Variants in DNAH3 observed in about 807,000 individuals in gnomAD.
DNAH3 encodes dynein axonemal heavy chain 3, also known as axonemal beta dynein heavy chain 3.
A neutral mutation model predicts 432.5 loss-of-function variants in DNAH3; 332 were observed. The ratio of observed to expected loss-of-function variants is 0.77; its 90% CI spans 0.70 to 0.84. The LOEUF (loss-of-function observed/expected upper bound fraction) is 0.84. Ranked by LOEUF, DNAH3 falls within the 40% of genes least tolerant of loss-of-function variation. The pLI, the probability that DNAH3 is intolerant of heterozygous loss-of-function variation, is 0.00. For synonymous variants in DNAH3, 1,956 were observed against 1,900.2 expected (o/e 1.03, Z -0.76); for missense variants, 4,861 against 5,114.0 (o/e 0.95, Z 1.51).
intron 44 of DNAH3, among the ~76,000 whole-genome samples, chr16:20,990,168 C>G (rs2086484630): frequency 6.6e-6 from 1 of 152,240 alleles, no homozygotes; most frequent in Non-Finnish European, 1.5e-5. Flanking sequence ...CAGAGCGAGC[C>G]AGGGCTGTGA....
At chr16:20,970,104 T>C in intron 51 of DNAH3, 114 bp from the exon 52 acceptor site, 1 of 997,794 alleles carries the variant, frequency 1.0e-6, no homozygotes, top group Non-Finnish European at 1.5e-6. Flanking sequence ...CTCTTCCAGA[T>C]ACCCTTTAAC....
chr16:20,943,262 T>A (rs1220591833), intron 58 of DNAH3, among the ~76,000 whole-genome samples: 1 of 151,748 alleles, frequency 6.6e-6, no homozygotes, highest in Non-Finnish European at 1.5e-5. Context: ...TTTTTTTGTA[T>A]AGACGGCGTT....
At position 21,042,173 on chromosome 16, in the gene DNAH3, T is replaced by A. The variant is rs2152733853; in HGVS notation, c.4492A>T (p.Ile1498Phe). The change falls in exon 32 of 62, where the codon ATC (isoleucine) becomes TTC (phenylalanine). Residue 1498 changes from isoleucine to phenylalanine, a missense_variant. Coordinates refer to ENST00000261383, the Ensembl canonical transcript of DNAH3. ...ATGATGGCTTGTTGGATGCTGAGGA[T>A]CTGCTGAGCGACCACAGACAGCACT... is the stretch of plus-strand genomic sequence containing the variant. 1.2e-6 allele frequency: 2 copies of A among 1,611,054 alleles called. No individual in the cohort carries two copies. The highest frequency in any genetic ancestry group is 4.5e-5 in the East Asian group (2 of 44,798).
chr16:20,965,392 T>G, exon 53 of DNAH3: 1 of 1,533,182 alleles, frequency 6.5e-7, no homozygotes, highest in Non-Finnish European at 8.8e-7. Flanking sequence ...AAGAATCTTT[T>G]TGGATACCCC....
intron 41 of DNAH3, among the ~76,000 whole-genome samples, chr16:21,007,681 T>C (rs2087381755): frequency 6.6e-6 from 1 of 152,228 alleles, no homozygotes; most frequent in Non-Finnish European, 1.5e-5. Flanking sequence ...ATGTTGTCCT[T>C]TGAAGCACGA....
At chr16:21,079,315 G>C (rs997979375) in intron 20 of DNAH3, among the ~76,000 whole-genome samples, 5 of 152,116 alleles carry the variant, frequency 3.3e-5, no homozygotes, top group Non-Finnish European at 7.4e-5. Context: ...TAGGACACTA[G>C]GTTTTTGTGA....
At chr16:21,101,243 C>T (rs1286611153) in intron 16 of DNAH3, among the ~76,000 whole-genome samples, 7 of 152,044 alleles carry the variant, frequency 4.6e-5, no homozygotes, top group African/African-American at 1.7e-4. Flanking sequence ...TATTGTATAC[C>T]GTACTGAAAG....
chr16:21,126,232 G>A (rs2092443834), intron 8 of DNAH3, among the ~76,000 whole-genome samples: 1 of 152,070 alleles, frequency 6.6e-6, no homozygotes, highest in Admixed American at 6.6e-5. Context: ...TTCCTCCCAT[G>A]TCCCCCAGTT....
At chr16:21,129,397 C>G (rs1567841991) in intron 7 of DNAH3, 1 of 152,244 alleles carries the variant, frequency 6.6e-6, no homozygotes, top group East Asian at 1.9e-4. Context: ...TCTGCCCCTT[C>G]CAAAGGGCCA....
At chr16:21,086,897 G>C (rs763924248) in exon 19 of DNAH3, 22 of 1,614,060 alleles carry the variant, frequency 1.4e-5, no homozygotes, top group Middle Eastern at 1.6e-4. Flanking sequence ...AAATACTGAG[G>C]ATGGGAATGT....
At chr16:21,046,577 G>T (rs2089708088) in intron 31 of DNAH3, among the ~76,000 whole-genome samples, 1 of 151,894 alleles carries the variant, frequency 6.6e-6, no homozygotes. Context: ...GTCTCTGCAT[G>T]TGAGATGGGT....
At chr16:21,145,900 G>T (rs1051669147) in intron 2 of DNAH3, 84 bp downstream of exon 3, 1 of 911,108 alleles carries the variant, frequency 1.1e-6, no homozygotes, top group Non-Finnish European at 1.8e-6. Flanking sequence ...CCCTCATTGA[G>T]TACCTGCCAA....
chr16:21,049,892 T>C lies in DNAH3; in HGVS notation c.4347+18A>G, dbSNP rs2089879739. The C allele has an allele frequency of 1.9e-6, 3 of 1,593,128 alleles. No homozygotes were observed. Among genetic ancestry groups the C allele is most frequent in the Non-Finnish European group, 1.7e-6 (2 of 1,160,906 alleles). On this transcript the variant is annotated intron_variant, in intron 30 of 61. Transcript: ENST00000261383. ...GAGGGCCTGGAAGAGAGGGAGGGGA[T>C]AGATGGCATTTGCTTACCTGCTTAG...
intron 30 of DNAH3, 102 bp from the exon 31 acceptor site, chr16:21,049,784 C>G: frequency 7.4e-7 from 1 of 1,343,464 alleles, no homozygotes. Flanking sequence ...CCTTGCTCTG[C>G]TTGAAGGAGC....
At position 21,049,909 on chromosome 16, in the gene DNAH3, C is replaced by T. The variant is rs144753966; in HGVS notation, c.4347+1G>A. On this transcript the variant is annotated splice_donor_variant, in intron 30 of 61. Transcript: ENST00000261383. LOFTEE classifies it high-confidence loss of function. ...GGAGGGGATAGATGGCATTTGCTTACCTGCTTAGCCAAGGCTTTGGCCAAA... is the reference window on the plus strand; with the variant it reads ...GGAGGGGATAGATGGCATTTGCTTATCTGCTTAGCCAAGGCTTTGGCCAAA... 25 of 1,613,050 alleles carry T rather than the reference C, an allele frequency of 1.5e-5. No homozygotes were observed. The African/African-American group carries it at 3.1e-4, about 20-fold the overall frequency.
chr16:21,003,442 TATTAA>T (rs779875753), intron 41 of DNAH3, among the ~76,000 whole-genome samples: 6 of 152,290 alleles, frequency 3.9e-5, no homozygotes, highest in African/African-American at 7.2e-5. Flanking sequence ...TTATGCAAAT[TATTAA>T]ATTAGTTTTC....
intron 59 of DNAH3, among the ~76,000 whole-genome samples, chr16:20,937,444 A>C (rs2083634449): frequency 6.6e-6 from 1 of 152,184 alleles, no homozygotes; most frequent in African/African-American, 2.4e-5. Flanking sequence ...ATCTTTTTGC[A>C]AATTTTAAAT....
intron 1 of DNAH3, among the ~76,000 whole-genome samples, chr16:21,147,531 A>G (rs2092801147): frequency 6.6e-6 from 1 of 152,216 alleles, no homozygotes; most frequent in Admixed American, 6.5e-5. Flanking sequence ...TTGCATTTTC[A>G]CATGTGCAAA....
At chr16:21,113,388 G>A (rs1031103773) in intron 12 of DNAH3, among the ~76,000 whole-genome samples, 1 of 152,092 alleles carries the variant, frequency 6.6e-6, no homozygotes, top group Non-Finnish European at 1.5e-5. Flanking sequence ...AACATACCCA[G>A]GATTAATACT....
Sources: allele counts gnomAD v4.1 joint callset (sites outside exome capture counted in the v4.1 genomes callset), GRCh38; gene constraint gnomAD v4.1.1; transcripts MANE v1.5; gene names NCBI Gene and HGNC (gene_info 2026-07-23, HGNC 2026-07-21).